The following CCSER1 variants were observed in gnomAD, a reference collection of about 807,000 sequenced individuals.
The protein encoded by CCSER1 is coiled-coil serine rich protein 1, also known as serine-rich coiled-coil domain-containing protein 1.
In CCSER1, 41 loss-of-function variants were observed where a neutral mutation model predicts 82.0. The ratio of observed to expected loss-of-function variants is 0.50; its 90% CI spans 0.39 to 0.65. The LOEUF is 0.65. Among genes scored for constraint, CCSER1 ranks in the 30% least tolerant of loss-of-function variants. CCSER1 has a pLI of 0.00. For missense variants in CCSER1, 1,119 were observed against 1,064.2 expected, an observed-to-expected ratio of 1.05 and a Z score of -0.72; for synonymous variants, 414 against 383.9, an observed-to-expected ratio of 1.08 and a Z score of -0.92.
At chr4:90,848,792 G>C (rs188651808) in intron 8 of CCSER1, among the ~76,000 whole-genome samples, 1 of 152,152 alleles carries the variant, frequency 6.6e-6, no homozygotes, top group Non-Finnish European at 1.5e-5. Flanking sequence ...TGCTGTTCTC[G>C]TGTTAGTGAG....
At chr4:90,990,169 G>A (rs569122660) in intron 9 of CCSER1, among the ~76,000 whole-genome samples, 1 of 151,962 alleles carries the variant, frequency 6.6e-6, no homozygotes, top group East Asian at 2.0e-4. Context: ...AGTTCAAAGA[G>A]TGCTTTCAAG....
chr4:91,438,250 C>A (rs1413152366), intron 10 of CCSER1, among the ~76,000 whole-genome samples: 2 of 152,184 alleles, frequency 1.3e-5, no homozygotes, highest in Non-Finnish European at 2.9e-5. Context: ...GGCAGACTGA[C>A]ACCTCACACG....
intron 9 of CCSER1, among the ~76,000 whole-genome samples, chr4:90,996,494 G>A (rs189740363): frequency 1.8e-4 from 27 of 152,188 alleles, no homozygotes; most frequent in Admixed American, 1.6e-3. Flanking sequence ...AATAAAAATA[G>A]ATTGAAATAG....
chr4:90,904,222 A>G (rs1316521280), intron 8 of CCSER1, among the ~76,000 whole-genome samples: 1 of 152,134 alleles, frequency 6.6e-6, no homozygotes, highest in Non-Finnish European at 1.5e-5. Flanking sequence ...GGGATGACTC[A>G]TCAAACAGGA....
At chr4:90,641,574 C>A (rs1726526915) in intron 6 of CCSER1, among the ~76,000 whole-genome samples, 1 of 152,120 alleles carries the variant, frequency 6.6e-6, no homozygotes, top group Non-Finnish European at 1.5e-5. Context: ...CATTACTCCC[C>A]ACAACCCTTT....
At chr4:91,297,189 A>G (rs1744246631) in intron 10 of CCSER1, among the ~76,000 whole-genome samples, 2 of 151,920 alleles carry the variant, frequency 1.3e-5, no homozygotes, top group Non-Finnish European at 2.9e-5. Context: ...TTAGCATTTC[A>G]TTTTACCTTT....
chr4:91,432,024 G>A (rs569205022), intron 10 of CCSER1, among the ~76,000 whole-genome samples: 1 of 148,764 alleles, frequency 6.7e-6, no homozygotes, highest in East Asian at 2.0e-4. Flanking sequence ...GGAGGTGATT[G>A]GATCACCAGG....
At chr4:90,898,987 A>G (rs1403530593) in intron 8 of CCSER1, among the ~76,000 whole-genome samples, 1 of 151,972 alleles carries the variant, frequency 6.6e-6, no homozygotes, top group African/African-American at 2.4e-5. Flanking sequence ...ATAAAATGAC[A>G]TTGGTCATTT....
intron 10 of CCSER1, among the ~76,000 whole-genome samples, chr4:91,341,862 T>C (rs1037244178): frequency 6.6e-6 from 1 of 152,234 alleles, no homozygotes; most frequent in East Asian, 1.9e-4. Context: ...AGTTATTTAG[T>C]GCATTTCTTT....
intron 10 of CCSER1, among the ~76,000 whole-genome samples, chr4:91,340,098 C>G (rs2149286543): frequency 6.6e-6 from 1 of 152,104 alleles, no homozygotes; most frequent in South Asian, 2.1e-4. Context: ...GCCTGGGCTA[C>G]AGAGAGAGAC....
intron 5 of CCSER1, among the ~76,000 whole-genome samples, chr4:90,584,380 G>A (rs893293241): frequency 6.6e-6 from 1 of 152,100 alleles, no homozygotes; most frequent in Non-Finnish European, 1.5e-5. Flanking sequence ...GAGCCAGCAA[G>A]GAAAAGAGAA....
chr4:91,269,760 A>G (rs1741881757), intron 10 of CCSER1, among the ~76,000 whole-genome samples: 1 of 152,188 alleles, frequency 6.6e-6, no homozygotes, highest in African/African-American at 2.4e-5. Context: ...TTAAATATCA[A>G]GAGAACTTTA....
chr4:91,178,576 C>T (rs1271129837), intron 10 of CCSER1, among the ~76,000 whole-genome samples: 1 of 152,118 alleles, frequency 6.6e-6, no homozygotes, highest in African/African-American at 2.4e-5. Context: ...CCTTCCTTCT[C>T]TTTTGATCTT....
chr4:90,854,381 A>G (rs1039347719), intron 8 of CCSER1, among the ~76,000 whole-genome samples: 8 of 152,146 alleles, frequency 5.3e-5, no homozygotes, highest in Non-Finnish European at 1.2e-4. Flanking sequence ...AAATTCTAAA[A>G]CCATATATTT....
chr4:91,250,112 G>A (rs974927620), intron 10 of CCSER1, among the ~76,000 whole-genome samples: 6 of 151,884 alleles, frequency 4.0e-5, no homozygotes, highest in Admixed American at 3.9e-4. Flanking sequence ...GCTCCTGAAG[G>A]ACCTTTAGAT....
At chr4:90,574,896 A>T (rs1244583351) in intron 5 of CCSER1, among the ~76,000 whole-genome samples, 4 of 152,064 alleles carry the variant, frequency 2.6e-5, no homozygotes, top group Non-Finnish European at 5.9e-5. Context: ...TTTCTCCCTT[A>T]TCATGCAGGA....
intron 4 of CCSER1, among the ~76,000 whole-genome samples, chr4:90,426,391 G>T (rs1289208898): frequency 6.6e-6 from 1 of 152,160 alleles, no homozygotes; most frequent in African/African-American, 2.4e-5. Flanking sequence ...AGGGGAAAGA[G>T]ATATTTCTGT....
chr4:91,375,578 T>C (rs1750354673), intron 10 of CCSER1, among the ~76,000 whole-genome samples: 1 of 152,036 alleles, frequency 6.6e-6, no homozygotes, highest in Admixed American at 6.6e-5. Flanking sequence ...GCACAACTTT[T>C]AGCATTTCAA....
At chr4:91,338,903 A>G (rs1356551288) in intron 10 of CCSER1, among the ~76,000 whole-genome samples, 1 of 152,198 alleles carries the variant, frequency 6.6e-6, no homozygotes, top group African/African-American at 2.4e-5. Context: ...TTTTAACACC[A>G]CGTAGCAGTC....
Sources: gnomAD v4.1 joint callset for allele counts (sites outside exome capture counted in the v4.1 genomes callset) on GRCh38, gnomAD v4.1.1 for gene constraint, MANE v1.5 for transcripts, NCBI Gene and HGNC (gene_info 2026-07-23, HGNC 2026-07-21) for gene names.